The following EPB41L2 variants were observed in gnomAD, a reference collection of about 807,000 sequenced individuals.
EPB41L2 encodes the protein band 4.1-like protein 2.
Under a neutral mutation model 113.0 loss-of-function variants are expected in EPB41L2, and 43 were observed. The ratio of observed to expected loss-of-function variants is 0.38; its 90% CI spans 0.30 to 0.49. The LOEUF is 0.49. Ranked by LOEUF, EPB41L2 falls within the 20% of genes least tolerant of loss-of-function variation. The probability of loss-of-function intolerance (pLI) is 0.95; values close to 1 mark genes in which losing one functional copy is unlikely to be tolerated. For synonymous variants in EPB41L2, 442 were observed against 436.7 expected, an observed-to-expected ratio of 1.01 and a Z score of -0.15; for missense variants, 1,147 against 1,223.4, an observed-to-expected ratio of 0.94 and a Z score of 0.93.
intron 1 of EPB41L2, among the ~76,000 whole-genome samples, chr6:131,044,377 G>C (rs1012205648): frequency 2.0e-5 from 3 of 151,978 alleles, no homozygotes. Context: ...ATGGAAGTAA[G>C]TTAATAATGG....
chr6:131,050,312 C>G (rs1267885976), intron 1 of EPB41L2, among the ~76,000 whole-genome samples: 1 of 152,124 alleles, frequency 6.6e-6, no homozygotes, highest in Non-Finnish European at 1.5e-5. Flanking sequence ...GCACCCCAGC[C>G]TGGGCAACAG....
intron 1 of EPB41L2, among the ~76,000 whole-genome samples, chr6:131,056,257 T>C (rs1797568889): frequency 6.6e-6 from 1 of 152,240 alleles, no homozygotes; most frequent in Non-Finnish European, 1.5e-5. Flanking sequence ...TAGGCTTTTT[T>C]CAACAAGTTT....
Position 130,895,109 on chromosome 6 carries a change from C to T in EPB41L2, c.1247G>A (p.Gly416Asp). Residue 416 changes from glycine (G) to aspartate (D), a missense_variant, in exon 9 of 20, where the codon GGT becomes GAT. By Grantham distance (94) the Gly-to-Asp change is moderately conservative. Transcript: ENST00000337057. ...VDLHHAKDSE[G>D]VDIKLGVCAN... ...ACACACGCCCAGCTTGATGTCCACA[C>T]CTTCTGAGTCCTGCCAAGCATAACC... is the stretch of plus-strand genomic sequence containing the variant. 1 of 1,609,370 alleles carries T rather than the reference C, an allele frequency of 6.2e-7. No individual in the cohort carries two copies. The highest frequency in any genetic ancestry group is 2.2e-5 in the East Asian group (1 of 44,700).
At chr6:131,058,721 A>G (rs1798073632) in intron 1 of EPB41L2, among the ~76,000 whole-genome samples, 1 of 152,350 alleles carries the variant, frequency 6.6e-6, no homozygotes, top group East Asian at 1.9e-4. Context: ...TCTATTAGCT[A>G]TAACTATAAA....
intron 19 of EPB41L2, among the ~76,000 whole-genome samples, chr6:130,850,157 G>T (rs1224934132): frequency 6.6e-6 from 1 of 152,128 alleles, no homozygotes; most frequent in Non-Finnish European, 1.5e-5. Context: ...AGAAACGCTT[G>T]AACCTGGGAG....
intron 1 of EPB41L2, among the ~76,000 whole-genome samples, chr6:131,047,848 A>G (rs1002454759): frequency 1.3e-5 from 2 of 152,246 alleles, no homozygotes; most frequent in African/African-American, 4.8e-5. Context: ...AAGAAAAGAA[A>G]AAAGAAAAAT....
intron 1 of EPB41L2, among the ~76,000 whole-genome samples, chr6:130,996,217 C>A (rs1158876270): frequency 6.6e-6 from 1 of 152,146 alleles, no homozygotes; most frequent in Admixed American, 6.5e-5. Flanking sequence ...GTGTATTTAT[C>A]TTTAAAAGAC....
At chr6:130,955,942 AT>A in intron 2 of EPB41L2, 51 bp downstream of exon 2, 1 of 1,553,760 alleles carries the variant, frequency 6.4e-7, no homozygotes, top group Non-Finnish European at 8.6e-7. Flanking sequence ...CCTTTTTATT[AT>A]GTGGTTACGC....
intron 19 of EPB41L2, among the ~76,000 whole-genome samples, chr6:130,849,396 C>T (rs528860167): frequency 1.5e-4 from 23 of 152,278 alleles, no homozygotes; most frequent in Admixed American, 1.1e-3. Flanking sequence ...CCCCTCTCCC[C>T]ACTTTTGGTG....
intron 3 of EPB41L2, among the ~76,000 whole-genome samples, chr6:130,929,894 CACAT>C (rs745503225): frequency 0.016 from 1,852 of 114,424 alleles, 39 homozygotes; most frequent in East Asian, 0.07. Context: ...CACACACACA[CACAT>C]ACACGCACAG....
At chr6:131,025,662 A>T (rs1414340019) in intron 1 of EPB41L2, among the ~76,000 whole-genome samples, 1 of 152,186 alleles carries the variant, frequency 6.6e-6, no homozygotes, top group African/African-American at 2.4e-5. Flanking sequence ...ATTTGTCCTC[A>T]TTAGTGTCTG....
chr6:130,960,364 A>G (rs1477970346), intron 1 of EPB41L2, among the ~76,000 whole-genome samples: 1 of 152,232 alleles, frequency 6.6e-6, no homozygotes, highest in African/African-American at 2.4e-5. Flanking sequence ...ATGAATTTAA[A>G]TAACAAAGAA....
rs200788205 is a variant in EPB41L2 at position 130,890,433 on chromosome 6, C to T, written c.1521G>A (p.Lys507=). The change falls in exon 11 of 20, where the codon AAG becomes AAA. Residue 507 remains lysine (K), a synonymous_variant. Transcript: ENST00000337057. ...GAAATTTGGACCCCAAGGTCAGGAA[C>T]TTGGCTTTTGGTGGCTGCTCTGGAG... The part of the protein sequence containing the change: ...LVSPEQPPKA[K]FLTLGSKFRY... 1.0e-4 allele frequency: 161 copies of T among 1,603,792 alleles called. No individual in the cohort carries two copies. In the East Asian group the frequency reaches 3.5e-3, roughly 35 times the overall value.
At chr6:130,884,598 A>G (rs1487454475) in intron 12 of EPB41L2, among the ~76,000 whole-genome samples, 1 of 152,240 alleles carries the variant, frequency 6.6e-6, no homozygotes, top group Non-Finnish European at 1.5e-5. Flanking sequence ...CGCACAAGAT[A>G]AAGCCAAAAG....
At position 130,955,100 on chromosome 6, in the gene EPB41L2, C is replaced by G; in HGVS notation, c.705+5G>C. 1 of 1,613,732 alleles carries G rather than the reference C, an allele frequency of 6.2e-7. No individual in the cohort carries two copies. Among genetic ancestry groups the G allele is most frequent in the Non-Finnish European group, 8.5e-7 (1 of 1,179,662 alleles). ...AGCTAGCTCTCACTCAGCTCCCTAT[C>G]TCACCTCCAGGTCACAGCTGTATTC... On this transcript the variant is annotated splice_donor_5th_base_variant and intron_variant, in intron 3 of 19. Coordinates refer to ENST00000337057, the MANE Select transcript of EPB41L2 (RefSeq NM_001431.4).
chr6:130,895,615 C>T (rs542874356), intron 8 of EPB41L2, among the ~76,000 whole-genome samples: 2 of 152,312 alleles, frequency 1.3e-5, no homozygotes, highest in South Asian at 4.1e-4. Context: ...TTTTGCAAAA[C>T]ACCAATCCCT....
At chr6:130,881,652 C>CATT (rs1288833982) in intron 12 of EPB41L2, 2 of 151,880 alleles carry the variant, frequency 1.3e-5, no homozygotes, top group East Asian at 3.9e-4. Flanking sequence ...GACTTAGTAG[C>CATT]ACAGAGGTAG....
chr6:130,986,976 T>C (rs2128687402), intron 1 of EPB41L2, among the ~76,000 whole-genome samples: 2 of 152,340 alleles, frequency 1.3e-5, no homozygotes, highest in Middle Eastern at 6.8e-3. Flanking sequence ...TTTACATAAA[T>C]GGATTCTTGT....
rs552639625 is a variant in EPB41L2 at position 131,017,453 on chromosome 6, A to T, written c.-15+45702T>A. On this transcript the variant is annotated intron_variant, in intron 1 of 19. Transcript: ENST00000337057. The stretch of plus-strand genomic sequence containing the variant: ...TTTCATTATTGTTTTCATATTTTAT[A>T]TAAATTCTCACCATATTCACAGTTT... Among the ~76,000 whole-genome samples, 29 of 152,324 alleles carry T rather than the reference A, an allele frequency of 1.9e-4. 1 individual carries two copies. Among genetic ancestry groups the T allele is most frequent in the African/African-American group, 7.0e-4 (29 of 41,578 alleles).
Sources: gnomAD v4.1 joint callset for allele counts (sites outside exome capture counted in the v4.1 genomes callset) on GRCh38, gnomAD v4.1.1 for gene constraint, MANE v1.5 for transcripts, NCBI Gene and HGNC (gene_info 2026-07-23, HGNC 2026-07-21) for gene names.